Variants in PUM1 observed in about 807,000 individuals in gnomAD.
PUM1 encodes the protein pumilio homolog 1.
In PUM1, 13 loss-of-function variants were observed where a neutral mutation model predicts 131.8. The ratio of observed to expected loss-of-function variants is 0.10; its 90% confidence interval spans 0.06 to 0.16. The LOEUF (loss-of-function observed/expected upper bound fraction) is 0.16. PUM1 is among the 10% of genes least tolerant of loss of function. The pLI is 1.00. For missense variants in PUM1, 961 were observed against 1,512.4 expected, an observed-to-expected ratio of 0.64 and a Z score of 6.05; for synonymous variants, 509 against 556.5, an observed-to-expected ratio of 0.91 and a Z score of 1.20.
At chr1:31,018,858 G>A (rs1642918780) in intron 3 of PUM1, among the ~76,000 whole-genome samples, 1 of 152,010 alleles carries the variant, frequency 6.6e-6, no homozygotes, top group Non-Finnish European at 1.5e-5. Flanking sequence ...CTCCTGTGGG[G>A]TACATGAAGA....
intron 3 of PUM1, among the ~76,000 whole-genome samples, chr1:31,021,721 A>G (rs574320194): frequency 2.0e-5 from 3 of 152,216 alleles, no homozygotes; most frequent in Non-Finnish European, 2.9e-5. Context: ...CATCTTTGTA[A>G]GAATACTACA....
At chr1:31,009,264 C>T (rs928574756) in intron 3 of PUM1, among the ~76,000 whole-genome samples, 4 of 151,728 alleles carry the variant, frequency 2.6e-5, no homozygotes, top group Non-Finnish European at 4.4e-5. Flanking sequence ...AATTAAAATT[C>T]TGATTTTTTT....
rs141887601 is a variant in PUM1 at position 31,004,954 on chromosome 1, G to A, written c.720+899C>T. 1.4e-3 allele frequency among the ~76,000 whole-genome samples: 207 copies of A among 152,298 alleles called. 1 individual carries two copies. Among genetic ancestry groups the A allele is most frequent in the African/African-American group, 4.9e-3 (202 of 41,570 alleles). ...CAGGTGATATCAGCCCAAAATGACT[G>A]CAGGGAGAAATGTCTTTGAAAAAGT... On this transcript the variant is annotated intron_variant, in intron 5 of 21. Coordinates refer to ENST00000426105, the MANE Select transcript of PUM1 (RefSeq NM_001020658.2).
chr1:30,963,427 G>A (rs1640498121), intron 14 of PUM1, among the ~76,000 whole-genome samples: 1 of 152,134 alleles, frequency 6.6e-6, no homozygotes, highest in Non-Finnish European at 1.5e-5. Context: ...GAGAAAATGA[G>A]TTCTACAACT....
chr1:31,055,325 C>G (rs984375499), intron 2 of PUM1: 40 of 456,084 alleles, frequency 8.8e-5, no homozygotes, highest in Non-Finnish European at 4.4e-6. Context: ...GAGCGCAAAA[C>G]TGAAGAACCT....
chr1:31,025,519 T>G (rs1407381205), intron 3 of PUM1, among the ~76,000 whole-genome samples: 1 of 151,368 alleles, frequency 6.6e-6, no homozygotes, highest in African/African-American at 2.4e-5. Flanking sequence ...AGTGTTTATA[T>G]GGGTAAATAC....
chr1:30,962,247 A>G (rs1263762568), intron 14 of PUM1, among the ~76,000 whole-genome samples: 1 of 152,206 alleles, frequency 6.6e-6, no homozygotes, highest in Non-Finnish European at 1.5e-5. Context: ...TTGACAAGAA[A>G]TAACTCACAC....
intron 10 of PUM1, among the ~76,000 whole-genome samples, chr1:30,972,047 G>C (rs1325817595): frequency 2.0e-5 from 3 of 151,550 alleles, no homozygotes; most frequent in Non-Finnish European, 4.4e-5. Context: ...TGGAGGTCAG[G>C]AGTTCGAGAT....
chr1:30,933,428 T>TCACACACACACACACA (rs1223375046), intron 21 of PUM1, 86 bp from the exon 22 acceptor site: 9 of 950,502 alleles, frequency 9.5e-6, no homozygotes, highest in South Asian at 4.1e-5. Context: ...ATGTCATGCA[T>TCACACACACACACACA]CACACACACA....
At chr1:30,988,522 C>G (rs902634736) in intron 7 of PUM1, among the ~76,000 whole-genome samples, 36 of 152,096 alleles carry the variant, frequency 2.4e-4, no homozygotes, top group African/African-American at 8.5e-4. Flanking sequence ...AACTCTAAAC[C>G]AAGAAAAATG....
At chr1:30,976,219 T>C (rs1392568628) in intron 9 of PUM1, among the ~76,000 whole-genome samples, 1 of 152,176 alleles carries the variant, frequency 6.6e-6, no homozygotes, top group Non-Finnish European at 1.5e-5. Flanking sequence ...TATGCAGATA[T>C]CAACCCAAGT....
chr1:31,060,871 T>A (rs902254553), intron 1 of PUM1, among the ~76,000 whole-genome samples: 2 of 148,300 alleles, frequency 1.3e-5, no homozygotes, highest in Non-Finnish European at 3.0e-5. Context: ...GGGCGACAAA[T>A]CGAGACTCTG....
At chr1:31,002,279 T>C (rs1038778277) in intron 5 of PUM1, among the ~76,000 whole-genome samples, 1 of 152,184 alleles carries the variant, frequency 6.6e-6, no homozygotes, top group Admixed American at 6.5e-5. Context: ...AATAGATGTA[T>C]ACTACGAATG....
At chr1:31,055,090 G>A (rs966530187) in intron 2 of PUM1, among the ~76,000 whole-genome samples, 11 of 152,100 alleles carry the variant, frequency 7.2e-5, no homozygotes, top group Non-Finnish European at 1.6e-4. Context: ...ATCATCAGTG[G>A]TTCTCAACCT....
At chr1:31,001,485 A>G (rs1642210641) in intron 5 of PUM1, among the ~76,000 whole-genome samples, 1 of 152,230 alleles carries the variant, frequency 6.6e-6, no homozygotes, top group Non-Finnish European at 1.5e-5. Context: ...CCTACTCACA[A>G]ACAATGCCAG....
In PUM1 at chr1:30,938,916, C is replaced by T. The variant is rs28837845; in HGVS notation, c.3243-2081G>A. Among the ~76,000 whole-genome samples, 184 of 80,140 alleles carry T rather than the reference C, an allele frequency of 2.3e-3. 2 individuals are homozygous for T. The highest frequency in any genetic ancestry group is 6.2e-3 in the Middle Eastern group (1 of 162). 52.6% of individuals were successfully genotyped at this position (80,140 alleles called of 152,430 possible). A position where few individuals can be genotyped will look rare whatever the true frequency, so the allele number is the denominator to read the frequency against. On this transcript the variant is annotated intron_variant, in intron 20 of 21. Transcript: ENST00000426105. ...ATAGATAGATAGATAGACAGACAGA[C>T]AGACAGACAGACAGACAGACAGACA... is the stretch of plus-strand genomic sequence containing the variant.
At chr1:31,047,145 C>T (rs1336351230) in intron 2 of PUM1, among the ~76,000 whole-genome samples, 1 of 152,144 alleles carries the variant, frequency 6.6e-6, no homozygotes, top group Non-Finnish European at 1.5e-5. Flanking sequence ...GCCGAGATTG[C>T]ACCATTGCAC....
At chr1:30,938,821 C>T (rs566752308) in intron 20 of PUM1, among the ~76,000 whole-genome samples, 19 of 152,126 alleles carry the variant, frequency 1.2e-4, no homozygotes, top group African/African-American at 4.6e-4. Flanking sequence ...GCCAAGATTG[C>T]GCCACCGTAC....
chr1:30,954,223 AAGGCTGG>A (rs1421976422), intron 14 of PUM1, among the ~76,000 whole-genome samples: 1 of 152,212 alleles, frequency 6.6e-6, no homozygotes, highest in East Asian at 1.9e-4. Flanking sequence ...GACTGCTAGT[AAGGCTGG>A]AGCAACAGTT....
Sources: allele counts gnomAD v4.1 joint callset (sites outside exome capture counted in the v4.1 genomes callset), GRCh38; gene constraint gnomAD v4.1.1; transcripts MANE v1.5; gene names NCBI Gene and HGNC (gene_info 2026-07-23, HGNC 2026-07-21).